The following RBBP4 variants were observed in gnomAD, a reference collection of about 807,000 sequenced individuals.
The protein encoded by RBBP4 is RB binding protein 4, chromatin remodeling factor, also known as histone-binding protein RBBP4.
Under a neutral mutation model 57.2 loss-of-function variants are expected in RBBP4, and 3 were observed. The ratio of observed to expected loss-of-function variants is 0.05; its 90% CI spans 0.02 to 0.14. The LOEUF is 0.14. RBBP4 is among the 10% of genes least tolerant of loss of function. The pLI is 1.00. For missense variants in RBBP4, 107 were observed against 520.6 expected (o/e 0.21, Z 7.73); for synonymous variants, 151 against 171.5 (o/e 0.88, Z 0.93).
At chr1:32,673,175 CA>C (rs1648946811) in intron 11 of RBBP4, among the ~76,000 whole-genome samples, 1 of 152,080 alleles carries the variant, frequency 6.6e-6, no homozygotes, top group Admixed American at 6.6e-5. Flanking sequence ...TGTATGACTC[CA>C]ACATTTTCCT....
intron 11 of RBBP4, among the ~76,000 whole-genome samples, chr1:32,677,497 AC>A (rs1649156613): frequency 6.7e-6 from 1 of 149,634 alleles, no homozygotes; most frequent in Non-Finnish European, 1.5e-5. Flanking sequence ...CAAAAAACAA[AC>A]AAAAAACAGT....
In RBBP4 at chr1:32,684,499, G is replaced by T; in HGVS notation, c.*4794G>T. ...GTTTAATCTTGATAGCAGTATTGAG[G>T]CTGGTATTTATATGATAGGTTATGA... On this transcript the variant is annotated 3_prime_UTR_variant, in exon 12 of 12. Transcript: ENST00000373493. 3.5e-6 allele frequency: 5 copies of T among 1,438,336 alleles called. No homozygotes were observed. Among genetic ancestry groups the T allele is most frequent in the Non-Finnish European group, 3.8e-6 (4 of 1,060,352 alleles). The allele number at this position is 1,438,336 out of a possible 1,614,324, so 89.1% of individuals were successfully genotyped here. A position where few individuals can be genotyped will look rare whatever the true frequency, so the allele number is the denominator to read the frequency against.
At chr1:32,665,759 C>T (rs980694286) in intron 3 of RBBP4, among the ~76,000 whole-genome samples, 2 of 150,566 alleles carry the variant, frequency 1.3e-5, no homozygotes, top group South Asian at 4.2e-4. Context: ...CTCACAACTT[C>T]TTTGCTTTGT....
At position 32,662,938 on chromosome 1, in the gene RBBP4, C is replaced by T. The variant is rs967079173; in HGVS notation, c.311-5287C>T. 4.6e-5 allele frequency among the ~76,000 whole-genome samples: 7 copies of T among 152,030 alleles called. No individual in the cohort carries two copies. In the East Asian group the frequency reaches 1.2e-3, roughly 25 times the overall value. On this transcript the variant is annotated intron_variant, in intron 3 of 11. Transcript: ENST00000373493. ...GGCGGAGGTTGCAGTGAGCCGAGAT[C>T]GTGCTACTACTGCACTCCAGCCTGG...
intron 3 of RBBP4, among the ~76,000 whole-genome samples, chr1:32,667,260 G>T (rs942204671): frequency 3.9e-5 from 6 of 152,206 alleles, no homozygotes; most frequent in African/African-American, 1.4e-4. Context: ...GAAGTTGCTA[G>T]AGGATAGCAG....
chr1:32,675,523 A>T (rs988309016), intron 11 of RBBP4, among the ~76,000 whole-genome samples: 10 of 151,472 alleles, frequency 6.6e-5, no homozygotes, highest in African/African-American at 2.4e-4. Flanking sequence ...TACTCCCAGC[A>T]CTTTGGGAGG....
At chr1:32,673,253 A>G (rs1488804965) in intron 11 of RBBP4, among the ~76,000 whole-genome samples, 2 of 152,194 alleles carry the variant, frequency 1.3e-5, no homozygotes, top group Admixed American at 6.5e-5. Flanking sequence ...GTTCACTTCC[A>G]GATTTCATAC....
chr1:32,664,773 T>A (rs1216785747), intron 3 of RBBP4, among the ~76,000 whole-genome samples: 3 of 152,118 alleles, frequency 2.0e-5, no homozygotes, highest in Non-Finnish European at 4.4e-5. Flanking sequence ...GTGGTGGTCA[T>A]TGGCCTTTGC....
chr1:32,665,656 T>C (rs1450704335), intron 3 of RBBP4, among the ~76,000 whole-genome samples: 1 of 139,746 alleles, frequency 7.2e-6, no homozygotes, highest in Non-Finnish European at 1.5e-5. Flanking sequence ...CCAGTCTGGG[T>C]GACAGAGCAA....
rs1450848881 is a variant in RBBP4, at chr1:32,672,537, T to C, written c.1043+11T>C. On this transcript the variant is annotated intron_variant, in intron 9 of 11. Coordinates refer to ENST00000373493, the MANE Select transcript of RBBP4 (RefSeq NM_005610.3). ...TGTCTGGGATTTAAGGTAATTCTTG[T>C]ATTCATTCCTCTCTCTACATAATTA... The C allele has an allele frequency of 1.9e-6, 3 of 1,601,028 alleles. No individual in the cohort carries two copies. Among genetic ancestry groups the C allele is most frequent in the South Asian group, 2.2e-5 (2 of 90,742 alleles).
chr1:32,665,205 T>G (rs976148039), intron 3 of RBBP4, among the ~76,000 whole-genome samples: 1 of 152,216 alleles, frequency 6.6e-6, no homozygotes, highest in Non-Finnish European at 1.5e-5. Flanking sequence ...GCTGGAGTTA[T>G]GGAAAAAATT....
chr1:32,678,789 C>T, intron 11 of RBBP4, among the ~76,000 whole-genome samples: 1 of 151,146 alleles, frequency 6.6e-6, no homozygotes, highest in African/African-American at 2.4e-5. Flanking sequence ...GCAGTTTCGC[C>T]TTGTTGGTCA....
intron 11 of RBBP4, among the ~76,000 whole-genome samples, chr1:32,675,668 C>T (rs1000343098): frequency 2.0e-5 from 3 of 152,146 alleles, no homozygotes; most frequent in Admixed American, 2.0e-4. Flanking sequence ...ACTCGGGAGG[C>T]TGAGGCAGGA....
Position 32,683,997 on chromosome 1 carries a change from TC to T in RBBP4, c.*4293del. ...AACAATGCAAACACCACTCTTCTCT[TC>T]ACAAAGATCACCTTGAGACTGTGTC... On this transcript the variant is annotated 3_prime_UTR_variant, in exon 12 of 12. Transcript: ENST00000373493. 6.2e-7 allele frequency: 1 copy of T among 1,612,230 alleles called. No individual in the cohort carries two copies. The highest frequency in any genetic ancestry group is 8.5e-7 in the Non-Finnish European group (1 of 1,178,518).
chr1:32,669,869 C>T lies in RBBP4; in HGVS notation c.966+306C>T, dbSNP rs891251906. ...TTGTGCCACTGCACTCTAGCCTGGGCGACAGAACGAGAGTCCGTCTCAAAA... is the reference window on the plus strand; with the variant it reads ...TTGTGCCACTGCACTCTAGCCTGGGTGACAGAACGAGAGTCCGTCTCAAAA... On this transcript the variant is annotated intron_variant, in intron 8 of 11. Transcript: ENST00000373493. This position sits in a 1 kb window ranked among gnomAD's most constrained non-coding sequence, Gnocchi z 4.9. Among the ~76,000 whole-genome samples the T allele has an allele frequency of 8.1e-5, 12 of 147,716 alleles. No homozygotes were observed. Among genetic ancestry groups the T allele is most frequent in the Non-Finnish European group, 1.2e-4 (8 of 67,114 alleles).
chr1:32,655,486 A>G (rs1306362325), intron 2 of RBBP4, among the ~76,000 whole-genome samples: 1 of 152,092 alleles, frequency 6.6e-6, no homozygotes, highest in African/African-American at 2.4e-5. Flanking sequence ...AGGTAATTCC[A>G]ATTTTCTGTT....
rs200214288 is a variant in RBBP4, at chr1:32,672,631, T to C, written c.1044-11T>C. Reference sequence around the variant, plus strand: ...TCTGTTTTAACTTTTAAAATTATGCTTTTGTACTAGTAAAATTGGAGAGGA... The same window carrying C: ...TCTGTTTTAACTTTTAAAATTATGCCTTTGTACTAGTAAAATTGGAGAGGA... On this transcript the variant is annotated splice_polypyrimidine_tract_variant and intron_variant, in intron 9 of 11. Transcript: ENST00000373493. 1 of 1,613,606 alleles carries C rather than the reference T, an allele frequency of 6.2e-7. No individual in the cohort carries two copies. The highest frequency in any genetic ancestry group is 1.7e-5 in the Admixed American group (1 of 60,016).
At chr1:32,661,053 A>G (rs554946595) in intron 3 of RBBP4, among the ~76,000 whole-genome samples, 43 of 152,074 alleles carry the variant, frequency 2.8e-4, no homozygotes, top group East Asian at 7.8e-4. Context: ...GGCTCTTGCA[A>G]TTCACCCACT....
At chr1:32,667,383 C>T (rs1648698615) in intron 3 of RBBP4, among the ~76,000 whole-genome samples, 1 of 152,330 alleles carries the variant, frequency 6.6e-6, no homozygotes, top group Middle Eastern at 3.4e-3. Flanking sequence ...AAGGGAAGGG[C>T]CCCTGTCCCA....
Sources: allele counts gnomAD v4.1 joint callset (sites outside exome capture counted in the v4.1 genomes callset), GRCh38; gene constraint gnomAD v4.1.1; non-coding constraint Gnocchi (gnomAD v3.1); transcripts MANE v1.5; gene names NCBI Gene and HGNC (gene_info 2026-07-23, HGNC 2026-07-21).